The following LRRC17 variants were observed in gnomAD, a reference collection of about 807,000 sequenced individuals.
LRRC17 encodes the protein leucine-rich repeat-containing protein 17.
Under a neutral mutation model 41.5 loss-of-function variants are expected in LRRC17, and 33 were observed. That is an observed-to-expected ratio of 0.80 (90% CI 0.60 to 1.06). The LOEUF is 1.06. LRRC17 is among the 50% of genes least tolerant of loss of function. The pLI, the probability that LRRC17 is intolerant of heterozygous loss-of-function variation, is 0.00. For synonymous variants in LRRC17, 192 were observed against 197.0 expected, an observed-to-expected ratio of 0.97 and a Z score of 0.21; for missense variants, 491 against 519.3, an observed-to-expected ratio of 0.95 and a Z score of 0.53.
intron 1 of LRRC17, chr7:102,926,487 T>C (rs1413560308): frequency 1.3e-6 from 1 of 746,778 alleles, no homozygotes. Flanking sequence ...ATGTAAGAGT[T>C]GGTTTCTTCA....
rs571868393 is a variant in LRRC17, at chr7:102,931,791, A to T, written c.-140-1983A>T. On this transcript the variant is annotated intron_variant, in intron 1 of 3. Coordinates refer to ENST00000339431, the MANE Select transcript of LRRC17 (RefSeq NM_001031692.3). ...CTCTTTTCCACATTGAATCCCAAAT[A>T]AGCACACAAGCATCTATTCTGCATA... 3,849 of 1,218,874 alleles carry T rather than the reference A, an allele frequency of 3.2e-3. 14 individuals carry two copies. The highest frequency in any genetic ancestry group is 3.9e-3 in the Non-Finnish European group (3,344 of 861,022). The allele number at this position is 1,218,874 out of a possible 1,614,324, so 75.5% of individuals were successfully genotyped here. A position where few individuals can be genotyped will look rare whatever the true frequency, so the allele number is the denominator to read the frequency against.
intron 2 of LRRC17, among the ~76,000 whole-genome samples, chr7:102,936,837 G>A (rs1820410368): frequency 6.6e-6 from 1 of 152,188 alleles, no homozygotes. Context: ...GAGATAACAT[G>A]TGAGGAAATG....
At chr7:102,939,837 T>G (rs1479932477) in intron 3 of LRRC17, among the ~76,000 whole-genome samples, 1 of 152,188 alleles carries the variant, frequency 6.6e-6, no homozygotes, top group African/African-American at 2.4e-5. Context: ...AAATAGTGTG[T>G]TATAGATTTT....
At chr7:102,939,795 C>T (rs184640500) in intron 3 of LRRC17, among the ~76,000 whole-genome samples, 2 of 152,194 alleles carry the variant, frequency 1.3e-5, no homozygotes, top group Admixed American at 1.3e-4. Flanking sequence ...TATGTAATAC[C>T]ACATATTACT....
Position 102,944,282 on chromosome 7 carries a change from G to C in LRRC17, c.1001G>C (p.Gly334Ala). The C allele has an allele frequency of 6.2e-7, 1 of 1,613,800 alleles. No homozygotes were observed. Among genetic ancestry groups the C allele is most frequent in the Non-Finnish European group, 8.5e-7 (1 of 1,179,834 alleles). ...SNNSLQNFDY[G>A]VLEDLYFLKL... ...AACAGTCTGCAAAACTTTGACTATG[G>C]CGTATTAGAAGACTTGTATTTTTTG... Residue 334 changes from glycine (G) to alanine (A), a missense_variant, in exon 4 of 4, where the codon GGC becomes GCC. Coordinates refer to ENST00000339431, the MANE Select transcript of LRRC17 (RefSeq NM_001031692.3).
At chr7:102,937,490 G>C (rs1396980647) in intron 2 of LRRC17, among the ~76,000 whole-genome samples, 1 of 123,778 alleles carries the variant, frequency 8.1e-6, no homozygotes, top group Non-Finnish European at 1.6e-5. Flanking sequence ...CTGGGCGACA[G>C]AGCAAGACTC....
At chr7:102,913,342 T>G (rs1330898100) in intron 1 of LRRC17, 197 bp downstream of exon 1, 2 of 1,145,654 alleles carry the variant, frequency 1.7e-6, no homozygotes, top group African/African-American at 3.1e-5. Flanking sequence ...AACATTTAAC[T>G]TTACTGTTAA....
At chr7:102,934,942 T>C (rs143161618) in intron 2 of LRRC17, among the ~76,000 whole-genome samples, 1,537 of 152,298 alleles carry the variant, frequency 0.01, 8 homozygotes, top group Non-Finnish European at 0.014. Flanking sequence ...CATTTGCACA[T>C]CGCAAGCTGT....
chr7:102,920,713 G>C (rs1390667044), intron 1 of LRRC17, among the ~76,000 whole-genome samples: 1 of 152,040 alleles, frequency 6.6e-6, no homozygotes, highest in African/African-American at 2.4e-5. Flanking sequence ...CAAAGAGAAT[G>C]AATTTAAAAA....
chr7:102,924,757 T>C (rs1199653265), intron 1 of LRRC17, among the ~76,000 whole-genome samples: 1 of 149,476 alleles, frequency 6.7e-6, no homozygotes, highest in African/African-American at 2.5e-5. Flanking sequence ...TTCTCCTGCC[T>C]CAGCCTCCGA....
At chr7:102,932,633 C>T (rs1183645295) in intron 1 of LRRC17, among the ~76,000 whole-genome samples, 1 of 24,312 alleles carries the variant, frequency 4.1e-5, no homozygotes, top group Non-Finnish European at 1.1e-4. Flanking sequence ...CTTGCTCTGT[C>T]AGCCACGCTA....
intron 1 of LRRC17, among the ~76,000 whole-genome samples, chr7:102,923,286 C>G (rs1384635123): frequency 4.6e-5 from 7 of 152,124 alleles, no homozygotes; most frequent in Admixed American, 4.6e-4. Context: ...TCTAAACAAT[C>G]AACTGAACAA....
rs915740809 is a variant in LRRC17 at position 102,915,544 on chromosome 7, A to T, written c.-141+2399A>T. Among the ~76,000 whole-genome samples the T allele has an allele frequency of 2.6e-5, 4 of 152,176 alleles. No homozygotes were observed. In the South Asian group the frequency reaches 8.3e-4, roughly 31 times the overall value. Reference sequence around the variant, plus strand: ...TTCTTTAAATCCATGTGATCAGTTAACAAATATCAAAAATGAGAACTGAGC... The same window carrying T: ...TTCTTTAAATCCATGTGATCAGTTATCAAATATCAAAAATGAGAACTGAGC... On this transcript the variant is annotated intron_variant, in intron 1 of 3. Transcript: ENST00000339431.
chr7:102,926,877 A>G (rs1393340682), intron 1 of LRRC17, among the ~76,000 whole-genome samples: 3 of 152,194 alleles, frequency 2.0e-5, no homozygotes, highest in Non-Finnish European at 2.9e-5. Flanking sequence ...TGGTTCTGTT[A>G]ACTAAATATT....
At position 102,934,391 on chromosome 7, in the gene LRRC17, C is replaced by T. The variant is rs1219395883; in HGVS notation, c.478C>T (p.Leu160Phe). 1 of 1,614,158 alleles carries T rather than the reference C, an allele frequency of 6.2e-7. No individual in the cohort carries two copies. The highest frequency in any genetic ancestry group is 2.2e-5 in the East Asian group (1 of 44,884). Reference sequence around the variant, plus strand: ...CACACCTCTCTTGAGCTACCTGCGTCTTTATGACAACCCCTGGCACTGTAC... The same window carrying T: ...CACACCTCTCTTGAGCTACCTGCGTTTTTATGACAACCCCTGGCACTGTAC... ...IYTPLLSYLR[L>F]YDNPWHCTCE... The change falls in exon 2 of 4, where the codon CTT (leucine) becomes TTT (phenylalanine). Residue 160 changes from leucine to phenylalanine, a missense_variant. Physicochemically the swap from Leu to Phe is conservative, Grantham distance 22 (BLOSUM62 0). Transcript: ENST00000339431.
intron 3 of LRRC17, chr7:102,942,252 TA>T: frequency 6.5e-7 from 1 of 1,549,866 alleles, no homozygotes; most frequent in Non-Finnish European, 8.8e-7. Context: ...CAAAATGACC[TA>T]AAGAAGTTTT....
At chr7:102,916,968 A>G (rs1816013520) in intron 1 of LRRC17, among the ~76,000 whole-genome samples, 1 of 152,116 alleles carries the variant, frequency 6.6e-6, no homozygotes, top group Non-Finnish European at 1.5e-5. Context: ...TAACACCTGA[A>G]GGACTTACTA....
chr7:102,937,638 T>C (rs1038047557), intron 2 of LRRC17, among the ~76,000 whole-genome samples: 2 of 152,200 alleles, frequency 1.3e-5, no homozygotes, highest in Non-Finnish European at 2.9e-5. Context: ...ATATTGCTGA[T>C]TCCCATAAAT....
In LRRC17 at chr7:102,939,500, C is replaced by T. The variant is rs144200223; in HGVS notation, c.843C>T (p.Asn281=). ...TTGACTTGTCATACAATAAAATCAA[C>T]CAACTTCGACCCAAGGAATTTGAAG... ...VKLDLSYNKI[N]QLRPKEFEDV... Residue 281 remains asparagine, a synonymous_variant, in exon 3 of 4, where the codon AAC becomes AAT. Coordinates refer to ENST00000339431, the MANE Select transcript of LRRC17 (RefSeq NM_001031692.3). The T allele has an allele frequency of 1.0e-4, 161 of 1,613,804 alleles. No individual in the cohort carries two copies. The highest frequency in any genetic ancestry group is 4.9e-4 in the Middle Eastern group (3 of 6,080).
Sources: gnomAD v4.1 joint callset for allele counts (sites outside exome capture counted in the v4.1 genomes callset) on GRCh38, gnomAD v4.1.1 for gene constraint, MANE v1.5 for transcripts, NCBI Gene and HGNC (gene_info 2026-07-23, HGNC 2026-07-21) for gene names.